Variants in TUBGCP2 observed in about 807,000 individuals in gnomAD.
The protein encoded by TUBGCP2 is gamma-tubulin complex component 2.
TUBGCP2 carries 55 observed loss-of-function variants against 92.2 expected under a neutral mutation model. That is an observed-to-expected ratio of 0.60 (90% CI 0.48 to 0.75). The LOEUF (loss-of-function observed/expected upper bound fraction) is 0.75. Ranked by LOEUF, TUBGCP2 falls within the 30% of genes least tolerant of loss-of-function variation. TUBGCP2 has a pLI of 0.00. For synonymous variants in TUBGCP2, 533 were observed against 505.2 expected, an observed-to-expected ratio of 1.06 and a Z score of -0.74; for missense variants, 1,093 against 1,188.9, an observed-to-expected ratio of 0.92 and a Z score of 1.19.
At chr10:133,300,716 A>G (rs1052598941) in intron 2 of TUBGCP2, among the ~76,000 whole-genome samples, 1 of 144,016 alleles carries the variant, frequency 6.9e-6, no homozygotes, top group African/African-American at 2.8e-5. Context: ...GGCTCAAGCC[A>G]TCCACCTGCC....
Position 133,283,916 on chromosome 10 carries a change from G to T in TUBGCP2, c.2111C>A (p.Pro704Gln), listed in dbSNP as rs747333591. 3 of 1,614,062 alleles carry T rather than the reference G, an allele frequency of 1.9e-6. No homozygotes were observed. Among genetic ancestry groups the T allele is most frequent in the East Asian group, 2.2e-5 (1 of 44,892 alleles). The change falls in exon 14 of 18, where the codon CCG (proline) becomes CAG (glutamine). Residue 704 changes from proline (P) to glutamine (Q), a missense_variant. This residue lies in a region of TUBGCP2 where 598 missense variants were observed against 675.5 expected (regional missense o/e 0.89). Transcript: ENST00000252936. ...GTTTTTCTCCAGGATGTGCCAGGTC[G>T]GTTCCATCACTTCAAACATCATGTA... The part of the protein sequence containing the change: ...QYYMMFEVME[P>Q]TWHILEKNLK...
intron 2 of TUBGCP2, among the ~76,000 whole-genome samples, chr10:133,300,995 G>A (rs1395474758): frequency 6.6e-6 from 1 of 151,568 alleles, no homozygotes. Context: ...GGAGAGTAGC[G>A]ACTTACCTTT....
upstream of TUBGCP2, chr10:133,311,893 G>C (rs758100019): frequency 6.2e-7 from 1 of 1,613,086 alleles, no homozygotes; most frequent in Non-Finnish European, 8.5e-7. Flanking sequence ...GTTCGGTGCT[G>C]AGGATTCTGG....
chr10:133,309,751 C>G, upstream of TUBGCP2: 1 of 1,611,548 alleles, frequency 6.2e-7, no homozygotes. Flanking sequence ...GGAGGAAGGG[C>G]TCCTGAAGCA....
upstream of TUBGCP2, chr10:133,311,916 C>T: frequency 6.2e-7 from 1 of 1,613,172 alleles, no homozygotes; most frequent in African/African-American, 1.3e-5. Context: ...TGCACCTGGG[C>T]CGCAGCTCTT....
chr10:133,294,107 T>A (rs1847433736), intron 5 of TUBGCP2, among the ~76,000 whole-genome samples: 1 of 152,264 alleles, frequency 6.6e-6, no homozygotes, highest in Admixed American at 6.5e-5. Flanking sequence ...CATTGGTAAG[T>A]ACAACTTGGT....
rs1473402114 is a variant in TUBGCP2 at position 133,288,964 on chromosome 10, T to TA, written c.1416dup (p.Lys473Ter). The TA allele has an allele frequency of 5.0e-6, 8 of 1,614,102 alleles. No homozygotes were observed. The highest frequency in any genetic ancestry group is 5.9e-6 in the Non-Finnish European group (7 of 1,180,036). ...TCTTTTAACGTGTAGATGATCTCTT[T>TA]AGCCACCGGGCAGGTGACGTCATGG... On this transcript the variant is annotated frameshift_variant, in exon 10 of 18. Coordinates refer to ENST00000252936, the MANE Select transcript of TUBGCP2 (RefSeq NM_006659.4). LOFTEE classifies it high-confidence loss of function.
chr10:133,297,905 G>A (rs1460200998), intron 5 of TUBGCP2, 47 bp downstream of exon 5: 4 of 1,592,922 alleles, frequency 2.5e-6, no homozygotes, highest in South Asian at 1.1e-5. Flanking sequence ...GGAAATCAAC[G>A]CATCACGTAC....
At chr10:133,310,639 C>T (rs1847970583), upstream of TUBGCP2, 6 of 314,832 alleles carry the variant, frequency 1.9e-5, no homozygotes, top group Admixed American at 4.7e-5. Flanking sequence ...TCACACCCCT[C>T]GGGGCCGTGT....
At position 133,293,115 on chromosome 10, in the gene TUBGCP2, C is replaced by G; in HGVS notation, c.948G>C (p.Gln316His). ...LVSQLEQLHR[Q>H]GLLSLQKLWF... ...AGAGCTTCTGCAGCGAAAGGAGGCC[C>G]TGCCTGTGCAGCTGCTCCAGCTGTG... Residue 316 changes from glutamine to histidine, a missense_variant, in exon 7 of 18, where the codon CAG becomes CAC. Transcript: ENST00000252936. 1 of 1,613,926 alleles carries G rather than the reference C, an allele frequency of 6.2e-7. No homozygotes were observed. Among genetic ancestry groups the G allele is most frequent in the South Asian group, 1.1e-5 (1 of 91,074 alleles).
intron 5 of TUBGCP2, among the ~76,000 whole-genome samples, chr10:133,294,403 G>A (rs1010527055): frequency 1.3e-4 from 20 of 152,286 alleles, no homozygotes; most frequent in African/African-American, 4.6e-4. Context: ...ACAGGGCCCC[G>A]TGCCAGCCAG....
rs777874418 is a variant in TUBGCP2, at chr10:133,279,740, CCCTT to C, written c.*22_*25del. Reference sequence around the variant, plus strand: ...TGCACCAGTCCCTGCTGACCCCACACCCTTCCTTCCTGTCACAGCCAGGGCTCAC... The same window carrying C: ...TGCACCAGTCCCTGCTGACCCCACACCCTTCCTGTCACAGCCAGGGCTCAC... On this transcript the variant is annotated 3_prime_UTR_variant, in exon 18 of 18. Transcript: ENST00000252936. 3 of 1,543,680 alleles carry C rather than the reference CCCTT, an allele frequency of 1.9e-6. No homozygotes were observed. The highest frequency in any genetic ancestry group is 2.5e-5 in the East Asian group (1 of 40,792).
At chr10:133,287,725 G>C (rs1009848936) in intron 11 of TUBGCP2, among the ~76,000 whole-genome samples, 7 of 150,114 alleles carry the variant, frequency 4.7e-5, no homozygotes, top group South Asian at 4.3e-4. Context: ...TGGGTGACAA[G>C]AGCAAAACTC....
intron 4 of TUBGCP2, among the ~76,000 whole-genome samples, chr10:133,298,366 T>C (rs11101684): frequency 0.16 from 18,691 of 116,896 alleles, 2,168 homozygotes; most frequent in African/African-American, 0.39. Context: ...AGGGCCCCCC[T>C]GGGAAAACAT....
At chr10:133,290,053 G>A (rs868008622) in intron 8 of TUBGCP2, 84 bp from the exon 9 acceptor site, 39 of 1,562,654 alleles carry the variant, frequency 2.5e-5, no homozygotes, top group Middle Eastern at 2.2e-4. Context: ...GCAGCGCGCA[G>A]GGACATTAAC....
At chr10:133,284,533 C>CTT (rs918260464) in intron 13 of TUBGCP2, among the ~76,000 whole-genome samples, 1 of 151,290 alleles carries the variant, frequency 6.6e-6, no homozygotes, top group South Asian at 2.1e-4. Context: ...AAATAATTTT[C>CTT]TTTTTTTTTA....
In TUBGCP2 at chr10:133,281,455, T is replaced by C. The variant is rs1348690132; in HGVS notation, c.2410-19A>G. On this transcript the variant is annotated intron_variant, in intron 16 of 17. Transcript: ENST00000252936. ...CCAGGTGCTGGAAAGAAAGCCGGGG[T>C]GCGTGAGCCATGCCCACCCCCACCG... is the stretch of plus-strand genomic sequence containing the variant. 24 of 1,608,070 alleles carry C rather than the reference T, an allele frequency of 1.5e-5. No homozygotes were observed. The highest frequency in any genetic ancestry group is 2.0e-5 in the Non-Finnish European group (24 of 1,178,706).
intron 16 of TUBGCP2, 80 bp from the exon 17 acceptor site, chr10:133,281,516 C>T (rs886379798): frequency 2.4e-5 from 37 of 1,520,156 alleles, no homozygotes; most frequent in Middle Eastern, 4.6e-4. Flanking sequence ...CCCAGCAGGC[C>T]GGTGTCCTTT....
rs769480723 is a variant in TUBGCP2, at chr10:133,279,858, ACAGGCGCTC to A, written c.2608_2616del (p.Glu870_Leu872del). Reference sequence around the variant, plus strand: ...GTGGCCTTCTGGCTCCTCTCTGCAGACAGGCGCTCCAGGCGCTCCGTGTAGAAACCATTG... The same window carrying A: ...GTGGCCTTCTGGCTCCTCTCTGCAGACAGGCGCTCCGTGTAGAAACCATTG... On this transcript the variant is annotated inframe_deletion, in exon 18 of 18. Coordinates refer to ENST00000252936, the MANE Select transcript of TUBGCP2 (RefSeq NM_006659.4). The A allele has an allele frequency of 1.9e-5, 30 of 1,606,906 alleles. No homozygotes were observed. The highest frequency in any genetic ancestry group is 6.8e-5 in the Admixed American group (4 of 58,856).
Sources: allele counts gnomAD v4.1 joint callset (sites outside exome capture counted in the v4.1 genomes callset), GRCh38; gene constraint gnomAD v4.1.1; regional missense constraint gnomAD v4.1.1; transcripts MANE v1.5; gene names NCBI Gene and HGNC (gene_info 2026-07-23, HGNC 2026-07-21).